XKR9: variants seen among roughly 807,000 people sequenced by gnomAD.
XKR9 encodes the protein XK related 9.
Under a neutral mutation model 32.0 loss-of-function variants are expected in XKR9, and 32 were observed. That is an observed-to-expected ratio of 1.00 (90% CI 0.76 to 1.34). XKR9 has a LOEUF of 1.34. Among genes scored for constraint, XKR9 ranks in the 40% most tolerant of loss-of-function variants. XKR9 has a pLI of 0.00. For missense variants in XKR9, 546 were observed against 429.7 expected (o/e 1.27, Z -2.39); for synonymous variants, 168 against 143.4 (o/e 1.17, Z -1.22).
chr8:70,950,951 G>A, the XKR9 span, among the ~76,000 whole-genome samples: 1 of 152,176 alleles, frequency 6.6e-6, no homozygotes, highest in African/African-American at 2.4e-5. Context: ...TGGGATTACA[G>A]GAGTGAGCCA....
At chr8:70,821,721 C>T in the XKR9 span, among the ~76,000 whole-genome samples, 2 of 152,320 alleles carry the variant, frequency 1.3e-5, no homozygotes, top group African/African-American at 2.4e-5. Context: ...ATGGCCTGAG[C>T]AGTAAATTGG....
chr8:70,701,448 C>T (rs900647061), intron 3 of XKR9, among the ~76,000 whole-genome samples: 3 of 152,100 alleles, frequency 2.0e-5, no homozygotes, highest in Non-Finnish European at 2.9e-5. Flanking sequence ...TTTACTTGCC[C>T]CTTCTGTTTC....
downstream of XKR9, among the ~76,000 whole-genome samples, chr8:70,740,776 C>T (rs958661174): frequency 3.3e-5 from 5 of 152,194 alleles, no homozygotes; most frequent in African/African-American, 9.6e-5. Flanking sequence ...GGCTGCAGAA[C>T]AGTGGATTTT....
the XKR9 span, among the ~76,000 whole-genome samples, chr8:71,055,848 A>T: frequency 6.6e-6 from 1 of 152,238 alleles, no homozygotes; most frequent in Non-Finnish European, 1.5e-5. Flanking sequence ...GTTCTTCTGA[A>T]TTATATTAAA....
At chr8:70,701,052 C>A (rs932583058) in intron 3 of XKR9, among the ~76,000 whole-genome samples, 1 of 152,162 alleles carries the variant, frequency 6.6e-6, no homozygotes, top group Non-Finnish European at 1.5e-5. Flanking sequence ...GCGCAGTATT[C>A]GGGTGGGAGT....
chr8:70,671,859 A>G (rs1389088436), intron 1 of XKR9, among the ~76,000 whole-genome samples: 1 of 104,502 alleles, frequency 9.6e-6, no homozygotes, highest in Admixed American at 9.4e-5. Context: ...CTGATAAGCA[A>G]CTTCAGCAAA....
At chr8:70,885,278 C>G in the XKR9 span, among the ~76,000 whole-genome samples, 1 of 151,998 alleles carries the variant, frequency 6.6e-6, no homozygotes, top group African/African-American at 2.4e-5. Context: ...GATTAGTATT[C>G]TATTGTATGG....
the XKR9 span, among the ~76,000 whole-genome samples, chr8:70,836,589 A>C: frequency 5.8e-3 from 878 of 152,218 alleles, 9 homozygotes; most frequent in African/African-American, 0.02. Context: ...AATGATTTAA[A>C]AAATCCATTC....
chr8:71,018,191 C>T, the XKR9 span, among the ~76,000 whole-genome samples: 1 of 151,990 alleles, frequency 6.6e-6, no homozygotes, highest in African/African-American at 2.4e-5. Context: ...AAAGCAAAGA[C>T]TTTTATAAAG....
chr8:70,999,315 T>C, the XKR9 span, among the ~76,000 whole-genome samples: 1 of 152,194 alleles, frequency 6.6e-6, no homozygotes, highest in East Asian at 1.9e-4. Flanking sequence ...AGCTCATACA[T>C]TAATGAGCTA....
the XKR9 span, among the ~76,000 whole-genome samples, chr8:70,871,334 T>C: frequency 1.3e-5 from 2 of 152,184 alleles, no homozygotes; most frequent in Non-Finnish European, 1.5e-5. Context: ...GTTCATTGTA[T>C]TGCACTTTGC....
the XKR9 span, among the ~76,000 whole-genome samples, chr8:71,017,002 T>C: frequency 2.0e-5 from 3 of 152,342 alleles, no homozygotes; most frequent in African/African-American, 7.2e-5. Context: ...AATTCTGAGA[T>C]AGTTTTGCAA....
At chr8:70,858,223 T>C in the XKR9 span, among the ~76,000 whole-genome samples, 3 of 152,178 alleles carry the variant, frequency 2.0e-5, no homozygotes, top group African/African-American at 7.2e-5. Flanking sequence ...AACCCCATCG[T>C]CTCATCCCAA....
chr8:71,048,769 G>A, the XKR9 span, among the ~76,000 whole-genome samples: 1 of 152,152 alleles, frequency 6.6e-6, no homozygotes, highest in South Asian at 2.1e-4. Context: ...CATCATAATT[G>A]CTAGTATTTT....
the XKR9 span, among the ~76,000 whole-genome samples, chr8:70,882,187 C>G: frequency 1.3e-5 from 2 of 152,004 alleles, no homozygotes; most frequent in South Asian, 2.1e-4. Flanking sequence ...GTGCAGCAAA[C>G]CAACATGGTT....
At chr8:70,903,988 A>T in the XKR9 span, among the ~76,000 whole-genome samples, 1 of 152,000 alleles carries the variant, frequency 6.6e-6, no homozygotes, top group Admixed American at 6.6e-5. Flanking sequence ...ATTTGATTAC[A>T]CTGTGGTCTG....
At chr8:70,845,471 G>C in the XKR9 span, among the ~76,000 whole-genome samples, 2 of 152,096 alleles carry the variant, frequency 1.3e-5, no homozygotes, top group East Asian at 3.8e-4. Context: ...TGTGGAAAAA[G>C]AATTCAAGTA....
intron 2 of XKR9, among the ~76,000 whole-genome samples, chr8:70,751,114 G>C (rs1053204156): frequency 6.6e-6 from 1 of 152,098 alleles, no homozygotes; most frequent in Non-Finnish European, 1.5e-5. Flanking sequence ...GGGCTTGCCA[G>C]CCTCCATAAT....
chr8:70,957,630 G>A, the XKR9 span, among the ~76,000 whole-genome samples: 1 of 152,068 alleles, frequency 6.6e-6, no homozygotes, highest in Non-Finnish European at 1.5e-5. Context: ...GTGAGGACAT[G>A]TGGTATTTGG....
Sources: gnomAD v4.1 joint callset for allele counts (sites outside exome capture counted in the v4.1 genomes callset) on GRCh38, gnomAD v4.1.1 for gene constraint, MANE v1.5 for transcripts, NCBI Gene and HGNC (gene_info 2026-07-23, HGNC 2026-07-21) for gene names.